Variants in TRMT9B observed in about 807,000 individuals in gnomAD.
The protein encoded by TRMT9B is probable tRNA methyltransferase 9B.
Under a neutral mutation model 11.5 loss-of-function variants are expected in TRMT9B, and 16 were observed. The ratio of observed to expected loss-of-function variants is 1.39; its 90% CI spans 0.94 to 2.11. The LOEUF (loss-of-function observed/expected upper bound fraction) is 2.11, where lower values mean the gene tolerates loss of function less well. Ranked by LOEUF, TRMT9B falls within the 30% of genes most tolerant of loss-of-function variation. The pLI is 0.00. For synonymous variants in TRMT9B, 274 were observed against 192.4 expected, an observed-to-expected ratio of 1.42 and a Z score of -3.51; for missense variants, 941 against 553.8, an observed-to-expected ratio of 1.70 and a Z score of -7.02.
At chr8:12,985,109 G>A (rs1399400228) in intron 1 of TRMT9B, among the ~76,000 whole-genome samples, 1 of 152,018 alleles carries the variant, frequency 6.6e-6, no homozygotes, top group Non-Finnish European at 1.5e-5. Flanking sequence ...GACATTTTTC[G>A]AGGAAAACAA....
At chr8:13,003,628 G>A (rs1468320812) in intron 2 of TRMT9B, among the ~76,000 whole-genome samples, 5 of 151,840 alleles carry the variant, frequency 3.3e-5, no homozygotes, top group African/African-American at 7.3e-5. Flanking sequence ...AGGCCAGATC[G>A]GAAAGAGCCT....
At chr8:12,974,068 G>T (rs930332592) in intron 1 of TRMT9B, among the ~76,000 whole-genome samples, 2 of 152,058 alleles carry the variant, frequency 1.3e-5, no homozygotes, top group East Asian at 1.9e-4. Context: ...CTACTCAGAA[G>T]GCTGAGGCGG....
At chr8:13,011,436 A>G (rs1323265088) in intron 3 of TRMT9B, 14 of 985,316 alleles carry the variant, frequency 1.4e-5, no homozygotes, top group Non-Finnish European at 1.7e-5. Context: ...CAAACTAATC[A>G]TCTTTGAATA....
At chr8:12,999,713 A>C (rs190328810) in intron 2 of TRMT9B, among the ~76,000 whole-genome samples, 2 of 152,308 alleles carry the variant, frequency 1.3e-5, no homozygotes, top group East Asian at 3.9e-4. Flanking sequence ...AGAAATACTT[A>C]AGCCATTATA....
Position 12,982,661 on chromosome 8 carries a change from C to CAA in TRMT9B, c.-199-8161_-199-8160dup, listed in dbSNP as rs199524978. On this transcript the variant is annotated intron_variant, in intron 1 of 4. Coordinates refer to ENST00000524591, the MANE Select transcript of TRMT9B (RefSeq NM_020844.3). ...TGGGCAACAGAGAGAGACTCCATCT[C>CAA]AAAAAAAAAAAAATCATAATCAGAG... is the stretch of plus-strand genomic sequence containing the variant. Among the ~76,000 whole-genome samples, 144 of 135,482 alleles carry CAA rather than the reference C, an allele frequency of 1.1e-3. 1 individual carries two copies. The highest frequency in any genetic ancestry group is 3.6e-3 in the African/African-American group (136 of 37,440). 88.9% of individuals were successfully genotyped at this position (135,482 alleles called of 152,430 possible).
intron 2 of TRMT9B, among the ~76,000 whole-genome samples, chr8:12,992,973 C>G (rs1045134806): frequency 2.6e-5 from 4 of 152,160 alleles, no homozygotes; most frequent in African/African-American, 4.8e-5. Context: ...ACTTTGCAGA[C>G]CAGTAGATTT....
chr8:13,000,998 T>C (rs1236756849), intron 2 of TRMT9B, among the ~76,000 whole-genome samples: 1 of 152,150 alleles, frequency 6.6e-6, no homozygotes, highest in Non-Finnish European at 1.5e-5. Context: ...AGAGCCTACA[T>C]AGGGACTAGA....
At chr8:12,956,785 A>G (rs1303793125) in intron 1 of TRMT9B, among the ~76,000 whole-genome samples, 1 of 152,228 alleles carries the variant, frequency 6.6e-6, no homozygotes, top group Non-Finnish European at 1.5e-5. Flanking sequence ...GAATAACATA[A>G]GAGTATGCTT....
At chr8:12,971,294 C>G (rs1178400036) in intron 1 of TRMT9B, among the ~76,000 whole-genome samples, 2 of 146,262 alleles carry the variant, frequency 1.4e-5, no homozygotes, top group South Asian at 2.2e-4. Context: ...TTCTTTATTT[C>G]TAAGAGGAAA....
intron 2 of TRMT9B, among the ~76,000 whole-genome samples, chr8:12,998,980 C>A (rs1342462122): frequency 6.6e-6 from 1 of 152,118 alleles, no homozygotes; most frequent in Non-Finnish European, 1.5e-5. Context: ...ATCCCTGTTT[C>A]TTTACCCAGA....
At chr8:13,010,767 G>C in intron 3 of TRMT9B, 1 of 983,460 alleles carries the variant, frequency 1.0e-6, no homozygotes. Context: ...TGAATTGCAA[G>C]GTTATTTTTC....
At chr8:13,010,615 C>T in intron 3 of TRMT9B, 1 of 985,222 alleles carries the variant, frequency 1.0e-6, no homozygotes, top group Non-Finnish European at 1.2e-6. Context: ...GAAAAGACCT[C>T]TGTTTCCTTC....
intron 1 of TRMT9B, among the ~76,000 whole-genome samples, chr8:12,986,502 A>G (rs1233076467): frequency 6.6e-6 from 1 of 152,246 alleles, no homozygotes; most frequent in Non-Finnish European, 1.5e-5. Context: ...GCTGACCATT[A>G]TGACATTTCA....
intron 1 of TRMT9B, 37 bp from the exon 2 acceptor site, chr8:12,990,797 G>A: frequency 7.9e-7 from 1 of 1,262,074 alleles, no homozygotes; most frequent in Non-Finnish European, 1.0e-6. Context: ...TACATACCAT[G>A]TGAAATGACA....
At position 13,011,492 on chromosome 8, in the gene TRMT9B, A is replaced by G. The variant is rs569328217; in HGVS notation, c.155-1192A>G. The G allele has an allele frequency of 1.5e-5, 15 of 976,444 alleles. No homozygotes were observed. The South Asian group carries it at 4.7e-4, about 31-fold the overall frequency. 60.5% of individuals were successfully genotyped at this position (976,444 alleles called of 1,614,324 possible). On this transcript the variant is annotated intron_variant, in intron 3 of 4. Coordinates refer to ENST00000524591, the MANE Select transcript of TRMT9B (RefSeq NM_020844.3). Reference sequence around the variant, plus strand: ...TAGAAAAATTTCATCAGTAATGCCAATAAGTACAAATATAGGCTCTAATGA... The same window carrying G: ...TAGAAAAATTTCATCAGTAATGCCAGTAAGTACAAATATAGGCTCTAATGA...
rs1247727439 is a variant in TRMT9B, at chr8:13,027,881, A to G, written c.*5837A>G. 2 of 167,086 alleles carry G rather than the reference A, an allele frequency of 1.2e-5. No homozygotes were observed. The highest frequency in any genetic ancestry group is 4.8e-5 in the African/African-American group (2 of 41,450). The allele number at this position is 167,086 out of a possible 1,614,324, so 10.4% of individuals were successfully genotyped here. ...GTTCCAATCTTAACTCAAAATTATGATTATTTTGATTATTTAATGATTGTT... is the reference window on the plus strand; with the variant it reads ...GTTCCAATCTTAACTCAAAATTATGGTTATTTTGATTATTTAATGATTGTT... On this transcript the variant is annotated 3_prime_UTR_variant, in exon 5 of 5. Coordinates refer to ENST00000524591, the MANE Select transcript of TRMT9B (RefSeq NM_020844.3).
intron 2 of TRMT9B, among the ~76,000 whole-genome samples, chr8:12,997,936 C>T (rs1303008239): frequency 6.6e-6 from 1 of 152,064 alleles, no homozygotes; most frequent in African/African-American, 2.4e-5. Context: ...TCCATTTTAC[C>T]CATTCTTTTG....
At chr8:13,007,286 T>C (rs778442189) in intron 3 of TRMT9B, 1 of 152,216 alleles carries the variant, frequency 6.6e-6, no homozygotes, top group Non-Finnish European at 1.5e-5. Context: ...AGTATTTTAA[T>C]AATAACTTAT....
At chr8:12,955,983 C>CA in intron 1 of TRMT9B, among the ~76,000 whole-genome samples, 1 of 152,292 alleles carries the variant, frequency 6.6e-6, no homozygotes, top group South Asian at 2.1e-4. Flanking sequence ...GAGGCTGCTG[C>CA]AAAATGCCTC....
Sources: allele counts gnomAD v4.1 joint callset (sites outside exome capture counted in the v4.1 genomes callset), GRCh38; gene constraint gnomAD v4.1.1; transcripts MANE v1.5; gene names NCBI Gene and HGNC (gene_info 2026-07-23, HGNC 2026-07-21).